GRM7: variants seen among roughly 807,000 people sequenced by gnomAD.
GRM7 encodes the protein glutamate metabotropic receptor 7.
Under a neutral mutation model 84.5 loss-of-function variants are expected in GRM7, and 35 were observed. The observed-to-expected ratio is 0.41, with a 90% confidence interval of 0.32 to 0.55. The LOEUF is 0.55. Ranked by LOEUF, GRM7 falls within the 20% of genes least tolerant of loss-of-function variation. GRM7 has a pLI of 0.19. For missense variants in GRM7, 1,003 were observed against 1,194.6 expected, an observed-to-expected ratio of 0.84 and a Z score of 2.36; for synonymous variants, 487 against 455.1, an observed-to-expected ratio of 1.07 and a Z score of -0.89.
At chr3:7,488,694 A>C (rs759649889) in intron 7 of GRM7, among the ~76,000 whole-genome samples, 3 of 152,176 alleles carry the variant, frequency 2.0e-5, no homozygotes, top group Non-Finnish European at 2.9e-5. Flanking sequence ...GACAGAAATT[A>C]TCTCTTTTCT....
At chr3:7,578,077 T>G (rs1342371766) in intron 7 of GRM7, among the ~76,000 whole-genome samples, 1 of 152,208 alleles carries the variant, frequency 6.6e-6, no homozygotes. Flanking sequence ...TCTCAAGTTA[T>G]CTGCTCACAA....
intron 9 of GRM7, chr3:7,682,199 G>C (rs943165085): frequency 1.3e-5 from 2 of 152,190 alleles, no homozygotes; most frequent in Non-Finnish European, 2.9e-5. Flanking sequence ...GCCGGGCATG[G>C]TTGCGCGTGC....
chr3:7,226,436 T>C (rs959848622), intron 2 of GRM7, among the ~76,000 whole-genome samples: 4 of 152,150 alleles, frequency 2.6e-5, no homozygotes, highest in African/African-American at 7.2e-5. Context: ...CCCCGACAGT[T>C]CCCTATCGTG....
chr3:7,384,091 C>T (rs1352287912), intron 4 of GRM7, among the ~76,000 whole-genome samples: 1 of 152,058 alleles, frequency 6.6e-6, no homozygotes, highest in East Asian at 1.9e-4. Flanking sequence ...TGCAGTGGCG[C>T]AATTTTGGCT....
At chr3:7,190,040 A>G (rs1412461231) in intron 2 of GRM7, among the ~76,000 whole-genome samples, 1 of 152,130 alleles carries the variant, frequency 6.6e-6, no homozygotes, top group Non-Finnish European at 1.5e-5. Context: ...ATGATAAGCA[A>G]ATTGTTCTTT....
intron 1 of GRM7, among the ~76,000 whole-genome samples, chr3:7,037,049 AT>A (rs1489840085): frequency 6.6e-6 from 1 of 152,204 alleles, no homozygotes; most frequent in Non-Finnish European, 1.5e-5. Context: ...TGAAATATTT[AT>A]TAATGTTTCT....
chr3:7,421,795 G>A (rs76808910), intron 5 of GRM7, among the ~76,000 whole-genome samples: 4,643 of 151,740 alleles, frequency 0.031, 241 homozygotes, highest in African/African-American at 0.11. Flanking sequence ...GAGCCTAGGA[G>A]CTCTTCAGTT....
At chr3:7,162,655 A>G (rs1220279590) in intron 2 of GRM7, among the ~76,000 whole-genome samples, 1 of 145,686 alleles carries the variant, frequency 6.9e-6, no homozygotes, top group Non-Finnish European at 1.5e-5. Context: ...GTCAGGTGTG[A>G]GGGGCTTAAA....
chr3:7,734,147 A>G (rs17047874), intron 9 of GRM7, among the ~76,000 whole-genome samples: 37,952 of 147,740 alleles, frequency 0.26, 5,076 homozygotes, highest in African/African-American at 0.32. Context: ...GTGGATCACT[A>G]TTTTCTCCAA....
intron 7 of GRM7, among the ~76,000 whole-genome samples, chr3:7,473,452 C>G (rs546534469): frequency 6.1e-5 from 9 of 148,504 alleles, no homozygotes; most frequent in South Asian, 2.1e-4. Flanking sequence ...CTCCAACCTA[C>G]GCAACAGAGC....
intron 1 of GRM7, among the ~76,000 whole-genome samples, chr3:7,061,112 C>T (rs1195850361): frequency 6.6e-6 from 1 of 151,752 alleles, no homozygotes; most frequent in African/African-American, 2.4e-5. Flanking sequence ...TGGGCAGACT[C>T]TTGAAGACCA....
intron 1 of GRM7, among the ~76,000 whole-genome samples, chr3:6,970,069 AGG>A: frequency 6.6e-6 from 1 of 152,232 alleles, no homozygotes; most frequent in African/African-American, 2.4e-5. Flanking sequence ...ACTGGGCCAG[AGG>A]GTACATCTTT....
chr3:6,984,571 A>G (rs1396809057), intron 1 of GRM7, among the ~76,000 whole-genome samples: 1 of 152,174 alleles, frequency 6.6e-6, no homozygotes, highest in African/African-American at 2.4e-5. Flanking sequence ...TTTATTATGA[A>G]TCACCTTTTT....
chr3:6,977,012 T>C (rs912949621), intron 1 of GRM7, among the ~76,000 whole-genome samples: 4 of 152,274 alleles, frequency 2.6e-5, no homozygotes, highest in African/African-American at 9.6e-5. Flanking sequence ...GTGATCAGAA[T>C]TGATGGTTAC....
At chr3:7,562,160 C>G (rs1242512737) in intron 7 of GRM7, among the ~76,000 whole-genome samples, 3 of 152,046 alleles carry the variant, frequency 2.0e-5, no homozygotes, top group African/African-American at 7.2e-5. Context: ...CCCTGTAAGA[C>G]AGAGGTTGAC....
At chr3:7,568,767 TC>T (rs1250284616) in intron 7 of GRM7, among the ~76,000 whole-genome samples, 1 of 151,868 alleles carries the variant, frequency 6.6e-6, no homozygotes, top group African/African-American at 2.4e-5. Context: ...GTGTACTGGG[TC>T]CCCCAACAGT....
intron 1 of GRM7, among the ~76,000 whole-genome samples, chr3:7,080,192 A>G (rs1003006097): frequency 9.2e-5 from 14 of 152,040 alleles, no homozygotes; most frequent in African/African-American, 2.9e-4. Context: ...GTGGTCATCA[A>G]TTACTGCAGG....
intron 7 of GRM7, among the ~76,000 whole-genome samples, chr3:7,537,782 A>C (rs1692635482): frequency 6.6e-6 from 1 of 152,072 alleles, no homozygotes; most frequent in Non-Finnish European, 1.5e-5. Flanking sequence ...TAGATTATTC[A>C]ACTAGGCATG....
intron 1 of GRM7, among the ~76,000 whole-genome samples, chr3:7,038,071 C>T (rs1268277521): frequency 1.3e-5 from 2 of 152,094 alleles, no homozygotes; most frequent in Non-Finnish European, 2.9e-5. Context: ...TAAAAGTTTT[C>T]TTCTCATGTT....
Sources: allele counts gnomAD v4.1 joint callset (sites outside exome capture counted in the v4.1 genomes callset), GRCh38; gene constraint gnomAD v4.1.1; transcripts MANE v1.5; gene names NCBI Gene and HGNC (gene_info 2026-07-23, HGNC 2026-07-21).